Variants in ARHGAP42 observed in about 807,000 individuals in gnomAD.
The protein encoded by ARHGAP42 is Rho GTPase activating protein 42, also known as rho GTPase-activating protein 42.
In ARHGAP42, 63 loss-of-function variants were observed where a neutral mutation model predicts 125.0. That is an observed-to-expected ratio of 0.50 (90% CI 0.41 to 0.62). The LOEUF (loss-of-function observed/expected upper bound fraction) is 0.62, where lower values mean the gene tolerates loss of function less well. ARHGAP42 is among the 20% of genes least tolerant of loss of function. The pLI is 0.00. For synonymous variants in ARHGAP42, 339 were observed against 351.0 expected (o/e 0.97, Z 0.38); for missense variants, 766 against 1,024.2 (o/e 0.75, Z 3.44).
intron 2 of ARHGAP42, among the ~76,000 whole-genome samples, chr11:100,777,286 A>C (rs941229205): frequency 1.3e-5 from 2 of 152,138 alleles, no homozygotes; most frequent in Admixed American, 6.5e-5. Flanking sequence ...TTATTGTTTG[A>C]TTACCTCTCT....
intron 3 of ARHGAP42, among the ~76,000 whole-genome samples, chr11:100,839,052 T>C (rs1385834496): frequency 2.0e-5 from 3 of 152,172 alleles, no homozygotes; most frequent in African/African-American, 7.2e-5. Context: ...CTAGTATATA[T>C]ACTGCATATC....
At chr11:100,976,776 T>C in intron 20 of ARHGAP42, 39 bp from the exon 21 acceptor site, 1 of 1,547,172 alleles carries the variant, frequency 6.5e-7, no homozygotes, top group Non-Finnish European at 8.7e-7. Context: ...TTATGTTGTC[T>C]AATAGCACCT....
chr11:100,882,303 G>T (rs1169230065), intron 4 of ARHGAP42, among the ~76,000 whole-genome samples: 1 of 151,730 alleles, frequency 6.6e-6, no homozygotes, highest in Non-Finnish European at 1.5e-5. Flanking sequence ...TAATCATAAA[G>T]GGGTGCTGGA....
At chr11:100,974,302 C>T (rs1229552828) in intron 18 of ARHGAP42, among the ~76,000 whole-genome samples, 157 bp from the exon 19 acceptor site, 6 of 152,106 alleles carry the variant, frequency 3.9e-5, no homozygotes, top group Non-Finnish European at 8.8e-5. Context: ...AAGAAAACCC[C>T]GTGAAAGAAT....
intron 3 of ARHGAP42, among the ~76,000 whole-genome samples, chr11:100,833,209 A>G (rs977850545): frequency 6.6e-6 from 1 of 152,234 alleles, no homozygotes; most frequent in African/African-American, 2.4e-5. Flanking sequence ...GTTGAAATAA[A>G]TAGGACCAAT....
intron 3 of ARHGAP42, among the ~76,000 whole-genome samples, chr11:100,805,831 G>C (rs1050859024): frequency 3.3e-5 from 5 of 152,086 alleles, no homozygotes; most frequent in Non-Finnish European, 7.4e-5. Context: ...TATAATTAAT[G>C]TATAATGAAC....
chr11:100,903,710 ATATAT>A (rs1169836111), intron 4 of ARHGAP42, among the ~76,000 whole-genome samples: 9,269 of 56,298 alleles, frequency 0.16, 934 homozygotes, highest in Admixed American at 0.23. Context: ...GTCCCTCAAA[ATATAT>A]ATATATATAT....
At chr11:100,891,131 G>A (rs566457225) in intron 4 of ARHGAP42, among the ~76,000 whole-genome samples, 6 of 152,216 alleles carry the variant, frequency 3.9e-5, no homozygotes, top group Admixed American at 2.6e-4. Context: ...AAAAAGGGAA[G>A]CATTGCCAAA....
intron 22 of ARHGAP42, chr11:100,986,064 A>C (rs773252545): frequency 4.4e-6 from 2 of 456,640 alleles, no homozygotes; most frequent in East Asian, 1.4e-4. Flanking sequence ...TTTCTCACTC[A>C]TTCATTTAGC....
intron 6 of ARHGAP42, among the ~76,000 whole-genome samples, chr11:100,924,638 G>A (rs1867371149): frequency 6.6e-6 from 1 of 151,912 alleles, no homozygotes. Context: ...CTGGACTCCA[G>A]CCTGGGCAAC....
chr11:100,726,393 TCA>T (rs954395866), intron 1 of ARHGAP42, among the ~76,000 whole-genome samples: 44 of 152,182 alleles, frequency 2.9e-4, no homozygotes, highest in African/African-American at 9.4e-4. Context: ...TCAGCGTCTG[TCA>T]CATAGTAAGT....
chr11:100,914,938 A>G (rs565027547), intron 5 of ARHGAP42, among the ~76,000 whole-genome samples: 1 of 152,124 alleles, frequency 6.6e-6, no homozygotes, highest in Non-Finnish European at 1.5e-5. Flanking sequence ...TTTTTTTTCC[A>G]ACAGGCATAT....
At position 100,778,214 on chromosome 11, in the gene ARHGAP42, A is replaced by T. The variant is rs546423515; in HGVS notation, c.250+7776A>T. ...AGAAACGGTGAAGTTGTTTGTAGCC[A>T]TGAGATTCTTCTTGGGCATTTTTAG... On this transcript the variant is annotated intron_variant, in intron 2 of 23. Coordinates refer to ENST00000298815, the MANE Select transcript of ARHGAP42 (RefSeq NM_152432.4). Among the ~76,000 whole-genome samples, 7 of 152,208 alleles carry T rather than the reference A, an allele frequency of 4.6e-5. No individual in the cohort carries two copies. The East Asian group carries it at 1.4e-3, about 29-fold the overall frequency.
At chr11:100,734,846 GAC>G (rs1188137611) in intron 1 of ARHGAP42, among the ~76,000 whole-genome samples, 1 of 152,180 alleles carries the variant, frequency 6.6e-6, no homozygotes, top group African/African-American at 2.4e-5. Flanking sequence ...CTGAGAGTGG[GAC>G]ACACATGTGT....
chr11:100,967,560 A>G (rs981278347), intron 17 of ARHGAP42, among the ~76,000 whole-genome samples: 1 of 152,198 alleles, frequency 6.6e-6, no homozygotes, highest in Non-Finnish European at 1.5e-5. Flanking sequence ...GGTGACCAAT[A>G]ATCCTTACTC....
intron 2 of ARHGAP42, among the ~76,000 whole-genome samples, chr11:100,786,571 A>G (rs765413034): frequency 6.6e-6 from 1 of 151,784 alleles, no homozygotes; most frequent in Non-Finnish European, 1.5e-5. Context: ...CTGAACTCTC[A>G]AACTACCTTA....
intron 4 of ARHGAP42, among the ~76,000 whole-genome samples, chr11:100,876,010 T>C (rs1318650693): frequency 1.3e-5 from 2 of 150,816 alleles, no homozygotes; most frequent in African/African-American, 4.8e-5. Flanking sequence ...AATGCTTAAC[T>C]CTTTGATTCC....
chr11:100,976,494 A>T lies in ARHGAP42; in HGVS notation c.2236+57A>T, dbSNP rs1468604477. 6.8e-6 allele frequency: 10 copies of T among 1,464,562 alleles called. No homozygotes were observed. The East Asian group carries it at 2.2e-4, about 33-fold the overall frequency. 90.7% of individuals were successfully genotyped at this position (1,464,562 alleles called of 1,614,324 possible). On this transcript the variant is annotated intron_variant, in intron 20 of 23. Transcript: ENST00000298815. Reference sequence around the variant, plus strand: ...ATTGTCTCAGTGTCACTTGTGCTGGATTATTCAGCATGGTTAAGCAGGGAT... The same window carrying T: ...ATTGTCTCAGTGTCACTTGTGCTGGTTTATTCAGCATGGTTAAGCAGGGAT...
At chr11:100,938,862 C>G (rs557136708) in intron 8 of ARHGAP42, among the ~76,000 whole-genome samples, 8 of 152,296 alleles carry the variant, frequency 5.3e-5, no homozygotes, top group African/African-American at 1.9e-4. Context: ...TGTGCACTTG[C>G]TATCACTGGG....
Sources: allele counts gnomAD v4.1 joint callset (sites outside exome capture counted in the v4.1 genomes callset), GRCh38; gene constraint gnomAD v4.1.1; transcripts MANE v1.5; gene names NCBI Gene and HGNC (gene_info 2026-07-23, HGNC 2026-07-21).